CBLN3: variants seen among roughly 807,000 people sequenced by gnomAD.
The protein encoded by CBLN3 is cerebellin-3.
CBLN3 carries 14 observed loss-of-function variants against 17.4 expected under a neutral mutation model. The ratio of observed to expected loss-of-function variants is 0.81; its 90% CI spans 0.53 to 1.26. The LOEUF (loss-of-function observed/expected upper bound fraction) is 1.26. CBLN3 is among the 50% of genes most tolerant of loss of function. The pLI, the probability that CBLN3 is intolerant of heterozygous loss-of-function variation, is 0.00. For synonymous variants in CBLN3, 129 were observed against 117.4 expected, an observed-to-expected ratio of 1.10 and a Z score of -0.64; for missense variants, 263 against 268.5, an observed-to-expected ratio of 0.98 and a Z score of 0.14.
In CBLN3 at chr14:24,426,710, T is replaced by G. The variant is rs917096868; in HGVS notation, c.*1079A>C. Reference sequence around the variant, plus strand: ...GATAGATTCATCCAGGCTGGGCCAATGGGACAGCGGGATAAGAAAGAGAGA... The same window carrying G: ...GATAGATTCATCCAGGCTGGGCCAAGGGGACAGCGGGATAAGAAAGAGAGA... On this transcript the variant is annotated 3_prime_UTR_variant, in exon 3 of 3. Coordinates refer to ENST00000267406, the MANE Select transcript of CBLN3 (RefSeq NM_001039771.3). 1 of 152,150 alleles carries G rather than the reference T, an allele frequency of 6.6e-6. No homozygotes were observed. Among genetic ancestry groups the G allele is most frequent in the Non-Finnish European group, 1.5e-5 (1 of 68,034 alleles). 9.4% of individuals were successfully genotyped at this position (152,150 alleles called of 1,614,324 possible). A position where few individuals can be genotyped will look rare whatever the true frequency, so the allele number is the denominator to read the frequency against.
In CBLN3 at chr14:24,428,950, C is replaced by T. The variant is rs768857696; in HGVS notation, c.105G>A (p.Gly35=). Residue 35 remains glycine (G), a synonymous_variant, in exon 1 of 3, where the codon GGG becomes GGA. Coordinates refer to ENST00000267406, the MANE Select transcript of CBLN3 (RefSeq NM_001039771.3). ...CCCCCTCCAGCAGGACGGGCTCTGA[C>T]CCCTCCTGGGCCCACCCGGCCCCCA... ...LALGAGWAQE[G]SEPVLLEGEC... is the part of the protein sequence containing the mutation. 56 of 1,553,086 alleles carry T rather than the reference C, an allele frequency of 3.6e-5. No homozygotes were observed. The highest frequency in any genetic ancestry group is 4.7e-5 in the Non-Finnish European group (54 of 1,148,150).
At chr14:24,428,215 G>T (rs1391652471) in intron 2 of CBLN3, 71 bp downstream of exon 2, 11 of 1,585,654 alleles carry the variant, frequency 6.9e-6, no homozygotes, top group Non-Finnish European at 9.4e-6. Context: ...CCACCCGGAG[G>T]TCAGCTGGGC....
At chr14:24,428,550 T>C in intron 1 of CBLN3, 145 bp from the exon 2 acceptor site, 2 of 1,124,498 alleles carry the variant, frequency 1.8e-6, no homozygotes, top group Non-Finnish European at 1.2e-6. Context: ...TCAAAAGAAA[T>C]GGTGAGAAGG....
In CBLN3 at chr14:24,429,458, A is replaced by C; in HGVS notation, c.-404T>G. 1 of 491,584 alleles carries C rather than the reference A, an allele frequency of 2.0e-6. No homozygotes were observed. Among genetic ancestry groups the C allele is most frequent in the South Asian group, 1.5e-5 (1 of 64,822 alleles). 30.5% of individuals were successfully genotyped at this position (491,584 alleles called of 1,614,324 possible). A position where few individuals can be genotyped will look rare whatever the true frequency, so the allele number is the denominator to read the frequency against. On this transcript the variant is annotated 5_prime_UTR_variant, in exon 1 of 3. Transcript: ENST00000267406. ...GAATGTGTGAGTGTGTGCATATGCC[A>C]GAGGCAGCCCCTCAACCCCTTCCTC...
Position 24,427,774 on chromosome 14 carries a change from G to A in CBLN3, c.*15C>T. The A allele has an allele frequency of 6.2e-7, 1 of 1,613,430 alleles. No individual in the cohort carries two copies. Among genetic ancestry groups the A allele is most frequent in the Non-Finnish European group, 8.5e-7 (1 of 1,179,430 alleles). On this transcript the variant is annotated 3_prime_UTR_variant, in exon 3 of 3. Transcript: ENST00000267406. This position sits in a 1 kb window ranked among gnomAD's most constrained non-coding sequence, Gnocchi z 4.4. ...TGTCAGGGGCTGGATTCTTGTGCTTGAAAGACTTGGGTCCTCAGAGAGGGA... is the reference window on the plus strand; with the variant it reads ...TGTCAGGGGCTGGATTCTTGTGCTTAAAAGACTTGGGTCCTCAGAGAGGGA...
Position 24,427,415 on chromosome 14 carries a change from G to A in CBLN3, c.*374C>T. ...CTGGGCTCCTGTGGGGGCCTGTCAGGCTCACCTGCGCCACCTGTCCCTGAT... is the reference window on the plus strand; with the variant it reads ...CTGGGCTCCTGTGGGGGCCTGTCAGACTCACCTGCGCCACCTGTCCCTGAT... On this transcript the variant is annotated 3_prime_UTR_variant, in exon 3 of 3. Transcript: ENST00000267406. This position sits in a 1 kb window ranked among gnomAD's most constrained non-coding sequence, Gnocchi z 4.4. 1 of 231,038 alleles carries A rather than the reference G, an allele frequency of 4.3e-6. No homozygotes were observed. The highest frequency in any genetic ancestry group is 8.6e-6 in the Non-Finnish European group (1 of 115,782). The allele number at this position is 231,038 out of a possible 1,614,324, so 14.3% of individuals were successfully genotyped here. A position where few individuals can be genotyped will look rare whatever the true frequency, so the allele number is the denominator to read the frequency against.
At chr14:24,428,647 G>C (rs893921545) in intron 1 of CBLN3, 108 bp downstream of exon 1, 1 of 1,309,656 alleles carries the variant, frequency 7.6e-7, no homozygotes, top group Non-Finnish European at 1.0e-6. Flanking sequence ...GAAAGATGTA[G>C]GAAGCTGTTT....
In CBLN3 at chr14:24,428,416, C is replaced by CA; in HGVS notation, c.301-12dup. On this transcript the variant is annotated splice_polypyrimidine_tract_variant and intron_variant, in intron 1 of 2. Transcript: ENST00000267406. ...CTCGTTCACCAGGACCTGGGGGAAG[C>CA]AGAGCCTGCTGAGTGGGGCTCAGGA... 6.2e-7 allele frequency: 1 copy of CA among 1,613,552 alleles called. No individual in the cohort carries two copies. The highest frequency in any genetic ancestry group is 2.2e-5 in the East Asian group (1 of 44,870).
At position 24,428,883 on chromosome 14, in the gene CBLN3, C is replaced by A. The variant is rs1325570625; in HGVS notation, c.172G>T (p.Gly58Trp). The change falls in exon 1 of 3, where the codon GGG (glycine) becomes TGG (tryptophan). Residue 58 changes from glycine to tryptophan, a missense_variant. Physicochemically the swap from Gly to Trp is radical, Grantham distance 184. Coordinates refer to ENST00000267406, the MANE Select transcript of CBLN3 (RefSeq NM_001039771.3). ...TCTCCCAGGGCTGCTCCCCCGGGCCCCCCTGCAGCAGCTCGGCCAGGCTCA... is the reference window on the plus strand; with the variant it reads ...TCTCCCAGGGCTGCTCCCCCGGGCCACCCTGCAGCAGCTCGGCCAGGCTCA... ...VCEPGRAAAGGPGGAALGEAP... is the reference protein window; with the variant it reads ...VCEPGRAAAGWPGGAALGEAP... The A allele has an allele frequency of 5.6e-6, 9 of 1,600,100 alleles. No homozygotes were observed. The highest frequency in any genetic ancestry group is 7.7e-6 in the Non-Finnish European group (9 of 1,173,582).
intron 1 of CBLN3, 141 bp from the exon 2 acceptor site, chr14:24,428,546 GA>G (rs1393348572): frequency 6.9e-6 from 8 of 1,156,276 alleles, no homozygotes. Context: ...AGATTCAAAA[GA>G]AATGGTGAGA....
In CBLN3 at chr14:24,429,319, C is replaced by T. The variant is rs780637676; in HGVS notation, c.-265G>A. ...AAGGAGGGATGAAGCCGCCTGCCCA[C>T]TGGACGGGAGGGCTGCAGCCAGAGC... On this transcript the variant is annotated 5_prime_UTR_variant, in exon 1 of 3. It adds an upstream start codon to the 5' untranslated region. Coordinates refer to ENST00000267406, the MANE Select transcript of CBLN3 (RefSeq NM_001039771.3). 1.5e-6 allele frequency: 1 copy of T among 671,406 alleles called. No individual in the cohort carries two copies. Among genetic ancestry groups the T allele is most frequent in the South Asian group, 1.5e-5 (1 of 65,938 alleles). The allele number at this position is 671,406 out of a possible 1,614,324, so 41.6% of individuals were successfully genotyped here.
intron 1 of CBLN3, 128 bp downstream of exon 1, chr14:24,428,627 C>A: frequency 8.4e-7 from 1 of 1,195,200 alleles, no homozygotes; most frequent in Admixed American, 2.4e-5. Context: ...GGGCAATAGG[C>A]CAGATTAGTG....
rs192944889 is a variant in CBLN3, at chr14:24,427,789, T to G, written c.618A>C (p.Ter206CysextTer54). ...SFSGFLIFPL* is the reference protein window; with the variant it reads ...SFSGFLIFPLC The stretch of plus-strand genomic sequence containing the variant: ...TCTTGTGCTTGAAAGACTTGGGTCC[T>G]CAGAGAGGGAAGATGAGGAAGCCAG... The change falls in exon 3 of 3, where the codon TGA (stop) becomes TGC (cysteine). Residue 206 changes from the stop codon to cysteine (C), a stop_lost. Coordinates refer to ENST00000267406, the MANE Select transcript of CBLN3 (RefSeq NM_001039771.3). This position sits in a 1 kb window ranked among gnomAD's most constrained non-coding sequence, Gnocchi z 4.4. The G allele has an allele frequency of 1.6e-5, 26 of 1,613,978 alleles. No homozygotes were observed. Among genetic ancestry groups the G allele is most frequent in the Non-Finnish European group, 2.1e-5 (25 of 1,179,912 alleles).
chr14:24,429,325 G>A lies in CBLN3; in HGVS notation c.-271C>T, dbSNP rs751974450. 5 of 666,954 alleles carry A rather than the reference G, an allele frequency of 7.5e-6. No homozygotes were observed. Among genetic ancestry groups the A allele is most frequent in the South Asian group, 3.0e-5 (2 of 65,946 alleles). The allele number at this position is 666,954 out of a possible 1,614,324, so 41.3% of individuals were successfully genotyped here. ...GGATGAAGCCGCCTGCCCACTGGACGGGAGGGCTGCAGCCAGAGCTTCAGG... is the reference window on the plus strand; with the variant it reads ...GGATGAAGCCGCCTGCCCACTGGACAGGAGGGCTGCAGCCAGAGCTTCAGG... On this transcript the variant is annotated 5_prime_UTR_variant, in exon 1 of 3. Transcript: ENST00000267406.
At position 24,428,307 on chromosome 14, in the gene CBLN3, C is replaced by T. The variant is rs1390864838; in HGVS notation, c.399G>A (p.Val133=). 2 of 1,613,858 alleles carry T rather than the reference C, an allele frequency of 1.2e-6. No individual in the cohort carries two copies. Among genetic ancestry groups the T allele is most frequent in the Non-Finnish European group, 1.7e-6 (2 of 1,179,902 alleles). The change falls in exon 2 of 3, where the codon GTG becomes GTA. Residue 133 remains valine, a synonymous_variant. Coordinates refer to ENST00000267406, the MANE Select transcript of CBLN3 (RefSeq NM_001039771.3). ...TCACCTGGACAGTTTGGCGGTTGTA[C>T]ACCTTCACCACATGGAACCGGAAGC... ...VYSFRFHVVK[V]YNRQTVQVSL... is the part of the protein sequence containing the mutation.
In CBLN3 at chr14:24,427,666, C is replaced by T. The variant is rs2043033174; in HGVS notation, c.*123G>A. 1.1e-6 allele frequency: 1 copy of T among 888,198 alleles called. No homozygotes were observed. Among genetic ancestry groups the T allele is most frequent in the South Asian group, 1.5e-5 (1 of 65,736 alleles). The allele number at this position is 888,198 out of a possible 1,614,324, so 55.0% of individuals were successfully genotyped here. A position where few individuals can be genotyped will look rare whatever the true frequency, so the allele number is the denominator to read the frequency against. ...AACTTGGGTGTTTGGCACAGGGTCC[C>T]ATGCAAAGAGGTGGGATAGGAGCCA... is the stretch of plus-strand genomic sequence containing the variant. On this transcript the variant is annotated 3_prime_UTR_variant, in exon 3 of 3. Transcript: ENST00000267406. This position sits in a 1 kb window ranked among gnomAD's most constrained non-coding sequence, Gnocchi z 4.4.
chr14:24,429,630 G>A lies in CBLN3; in HGVS notation c.-576C>T. Reference sequence around the variant, plus strand: ...CCCCCTCCGCCACGATTGCTTTGGTGGAAAGTGCTTGGGCCTAGAGCACCA... The same window carrying A: ...CCCCCTCCGCCACGATTGCTTTGGTAGAAAGTGCTTGGGCCTAGAGCACCA... On this transcript the variant is annotated 5_prime_UTR_variant, in exon 1 of 3. Transcript: ENST00000267406. 7 of 1,114,710 alleles carry A rather than the reference G, an allele frequency of 6.3e-6. No homozygotes were observed. In the South Asian group the frequency reaches 9.5e-5, roughly 15 times the overall value. The allele number at this position is 1,114,710 out of a possible 1,614,324, so 69.1% of individuals were successfully genotyped here.
Position 24,426,975 on chromosome 14 carries a change from T to C in CBLN3, c.*814A>G, listed in dbSNP as rs1030633059. ...TCAAAGGTGGAGCAGTTTCAGGAGG[T>C]GGCCAAGCAAGAGGATGCATGGTTA... On this transcript the variant is annotated 3_prime_UTR_variant, in exon 3 of 3. Transcript: ENST00000267406. 3.9e-5 allele frequency: 6 copies of C among 152,036 alleles called. No homozygotes were observed. The highest frequency in any genetic ancestry group is 1.5e-4 in the African/African-American group (6 of 41,332). 9.4% of individuals were successfully genotyped at this position (152,036 alleles called of 1,614,324 possible). A position where few individuals can be genotyped will look rare whatever the true frequency, so the allele number is the denominator to read the frequency against.
In CBLN3 at chr14:24,427,472, C is replaced by A; in HGVS notation, c.*317G>T. On this transcript the variant is annotated 3_prime_UTR_variant, in exon 3 of 3. Transcript: ENST00000267406. This position sits in a 1 kb window ranked among gnomAD's most constrained non-coding sequence, Gnocchi z 4.4. The stretch of plus-strand genomic sequence containing the variant: ...TGAGCAGGAAGCTGGGGTGGGGGAA[C>A]CGGAGGAGCAGAGGCCGCAAAGTAG... 3.1e-6 allele frequency: 1 copy of A among 318,966 alleles called. No individual in the cohort carries two copies. Among genetic ancestry groups the A allele is most frequent in the South Asian group, 3.2e-5 (1 of 31,422 alleles). The allele number at this position is 318,966 out of a possible 1,614,324, so 19.8% of individuals were successfully genotyped here. A position where few individuals can be genotyped will look rare whatever the true frequency, so the allele number is the denominator to read the frequency against.
Sources: gnomAD v4.1 joint callset for allele counts on GRCh38, gnomAD v4.1.1 for gene constraint, Gnocchi (gnomAD v3.1) non-coding constraint, MANE v1.5 for transcripts, NCBI Gene and HGNC (gene_info 2026-07-23, HGNC 2026-07-21) for gene names.